The following BLTP1 variants were observed in gnomAD, a reference collection of about 807,000 sequenced individuals.
The protein encoded by BLTP1 is bridge-like lipid transfer protein family member 1.
At chr4:122,309,798 C>A in the BLTP1 span, among the ~76,000 whole-genome samples, 5 of 151,872 alleles carry the variant, frequency 3.3e-5, no homozygotes, top group Non-Finnish European at 5.9e-5. Flanking sequence ...GTGCAATATC[C>A]AACTCACCAT....
the BLTP1 span, among the ~76,000 whole-genome samples, chr4:122,314,847 G>C: frequency 1.3e-5 from 2 of 152,146 alleles, no homozygotes; most frequent in African/African-American, 4.8e-5. Context: ...TCAGACTACA[G>C]TTAAACTTAG....
At chr4:122,311,700 T>C in the BLTP1 span, among the ~76,000 whole-genome samples, 1 of 152,152 alleles carries the variant, frequency 6.6e-6, no homozygotes, top group Non-Finnish European at 1.5e-5. Context: ...CAAAGAACGA[T>C]TTAAGTAGAT....
the BLTP1 span, among the ~76,000 whole-genome samples, chr4:122,212,282 T>C: frequency 6.6e-6 from 1 of 152,212 alleles, no homozygotes; most frequent in Non-Finnish European, 1.5e-5. Context: ...ATGTGGTTAA[T>C]ATTTGTAGAT....
At chr4:122,207,318 CAACT>C in the BLTP1 span, 1 of 1,473,034 alleles carries the variant, frequency 6.8e-7, no homozygotes, top group Non-Finnish European at 9.3e-7. Context: ...AGGCAAATAC[CAACT>C]AAGAAAATTA....
chr4:122,317,224 C>A, the BLTP1 span, among the ~76,000 whole-genome samples: 1 of 151,728 alleles, frequency 6.6e-6, no homozygotes, highest in East Asian at 1.9e-4. Flanking sequence ...CCCTGCTACT[C>A]GGGAGGCTGA....
chr4:122,218,078 A>G, the BLTP1 span, among the ~76,000 whole-genome samples: 3 of 151,786 alleles, frequency 2.0e-5, no homozygotes, highest in Non-Finnish European at 2.9e-5. Flanking sequence ...TTTGTTTCTA[A>G]TTGATCTTAT....
At chr4:122,336,717 C>T in the BLTP1 span, 1 of 886,980 alleles carries the variant, frequency 1.1e-6, no homozygotes, top group Non-Finnish European at 1.4e-6. Context: ...GGGGAATGAG[C>T]AAGAGGTGCG....
At chr4:122,211,868 AATTC>A in the BLTP1 span, 1 of 153,510 alleles carries the variant, frequency 6.5e-6, no homozygotes, top group South Asian at 2.1e-4. Flanking sequence ...GATTATCAAC[AATTC>A]TTACTGATTT....
the BLTP1 span, among the ~76,000 whole-genome samples, chr4:122,309,669 C>CT: frequency 6.6e-6 from 1 of 151,986 alleles, no homozygotes; most frequent in African/African-American, 2.4e-5. Context: ...ACCAGGCATT[C>CT]TTTTTGGTAC....
At chr4:122,209,042 G>C in the BLTP1 span, 1 of 814,046 alleles carries the variant, frequency 1.2e-6, no homozygotes, top group Non-Finnish European at 1.6e-6. Context: ...AATAAAATTT[G>C]TTAATTTTCT....
chr4:122,262,225 T>C, the BLTP1 span, among the ~76,000 whole-genome samples: 2 of 148,570 alleles, frequency 1.3e-5, no homozygotes, highest in Non-Finnish European at 3.0e-5. Flanking sequence ...GTGTAAGGGA[T>C]ATTGTGTCTA....
chr4:122,357,305 G>A, the BLTP1 span, among the ~76,000 whole-genome samples: 2 of 152,258 alleles, frequency 1.3e-5, no homozygotes, highest in East Asian at 3.9e-4. Context: ...GCTCATGTCT[G>A]TAATACCAGC....
chr4:122,331,519 C>T, the BLTP1 span: 11 of 1,610,770 alleles, frequency 6.8e-6, no homozygotes, highest in African/African-American at 9.4e-5. Context: ...TCTACAAGAA[C>T]ATGATGATAT....
At chr4:122,297,067 A>G in the BLTP1 span, among the ~76,000 whole-genome samples, 1 of 152,242 alleles carries the variant, frequency 6.6e-6, no homozygotes, top group Non-Finnish European at 1.5e-5. Context: ...AAAATTGATA[A>G]ATGGGATCTA....
the BLTP1 span, among the ~76,000 whole-genome samples, chr4:122,216,147 C>T: frequency 6.7e-6 from 1 of 149,754 alleles, no homozygotes; most frequent in South Asian, 2.1e-4. Flanking sequence ...ATCTATCTAC[C>T]ACATTTTCTT....
the BLTP1 span, chr4:122,274,269 A>G: frequency 1.1e-6 from 1 of 887,678 alleles, no homozygotes; most frequent in Non-Finnish European, 1.8e-6. Flanking sequence ...TATTATGAAT[A>G]AAATGTAATT....
At chr4:122,277,529 C>G in the BLTP1 span, 1 of 951,464 alleles carries the variant, frequency 1.1e-6, no homozygotes, top group Non-Finnish European at 1.3e-6. Flanking sequence ...TTTAATCTCC[C>G]AGGAACTGTT....
chr4:122,199,516 ATTAAGT>A, the BLTP1 span: 7 of 1,375,932 alleles, frequency 5.1e-6, no homozygotes, highest in Non-Finnish European at 7.1e-6. Flanking sequence ...ATTTTCTTAT[ATTAAGT>A]TTAAGTAACC....
At chr4:122,183,400 CAG>C in the BLTP1 span, 1 of 946,614 alleles carries the variant, frequency 1.1e-6, no homozygotes, top group South Asian at 4.9e-5. Flanking sequence ...ATTCTAGAAT[CAG>C]AGAATTTCTA....
Sources: gnomAD v4.1 joint callset for allele counts (sites outside exome capture counted in the v4.1 genomes callset) on GRCh38, gnomAD v4.1.1 for gene constraint, MANE v1.5 for transcripts, NCBI Gene and HGNC (gene_info 2026-07-23, HGNC 2026-07-21) for gene names.